RAI1: variants seen among roughly 807,000 people sequenced by gnomAD.
RAI1 encodes retinoic acid-induced protein 1.
Under a neutral mutation model 123.8 loss-of-function variants are expected in RAI1, and 9 were observed. The observed-to-expected ratio is 0.07, with a 90% CI of 0.04 to 0.13. The LOEUF (loss-of-function observed/expected upper bound fraction) is 0.13. Ranked by LOEUF, RAI1 falls within the 10% of genes least tolerant of loss-of-function variation. The probability of loss-of-function intolerance (pLI) is 1.00; values close to 1 mark genes in which losing one functional copy is unlikely to be tolerated. For missense variants in RAI1, 2,256 were observed against 2,545.8 expected (o/e 0.89, Z 2.45); for synonymous variants, 1,231 against 1,127.3 (o/e 1.09, Z -1.84).
chr17:17,711,589 G>A (rs1175673943), intron 1 of RAI1, among the ~76,000 whole-genome samples: 2 of 152,204 alleles, frequency 1.3e-5, no homozygotes, highest in Non-Finnish European at 2.9e-5. Flanking sequence ...CAAATGTGCT[G>A]GAGGCCTCAA....
At position 17,797,466 on chromosome 17, in the gene RAI1, G is replaced by A. The variant is rs749592283; in HGVS notation, c.4518G>A (p.Leu1506=). The part of the protein sequence containing the change: ...GKKPKMEELG[L]ASQPPEGRPC... Reference sequence around the variant, plus strand: ...AGCCAAAGATGGAGGAGCTGGGCCTGGCCTCCCAGCCCCCGGAGGGCAGGC... The same window carrying A: ...AGCCAAAGATGGAGGAGCTGGGCCTAGCCTCCCAGCCCCCGGAGGGCAGGC... Residue 1506 remains leucine (L), a synonymous_variant, in exon 3 of 6, where the codon CTG becomes CTA. Transcript: ENST00000353383. 5.0e-6 allele frequency: 8 copies of A among 1,613,308 alleles called. No homozygotes were observed. The African/African-American group carries it at 9.3e-5, about 19-fold the overall frequency.
At chr17:17,715,909 CTA>C (rs1915699721) in intron 1 of RAI1, among the ~76,000 whole-genome samples, 2 of 152,166 alleles carry the variant, frequency 1.3e-5, no homozygotes, top group Non-Finnish European at 2.9e-5. Flanking sequence ...CCGTGCCCTC[CTA>C]TGTCAGGAGT....
chr17:17,796,717 G>C lies in RAI1; in HGVS notation c.3769G>C (p.Asp1257His), dbSNP rs772738189. ...SSSNASGNGG[D>H]GKEERPEGSP... The stretch of plus-strand genomic sequence containing the variant: ...CAGCAACGCCAGTGGCAATGGGGGA[G>C]ATGGGAAGGAGGAGAGGCCTGAGGG... Residue 1257 changes from aspartate (D) to histidine (H), a missense_variant, in exon 3 of 6, where the codon GAT becomes CAT. Coordinates refer to ENST00000353383, the MANE Select transcript of RAI1 (RefSeq NM_030665.4). This position sits in a 1 kb window ranked among gnomAD's most constrained non-coding sequence, Gnocchi z 5.8. 6.2e-7 allele frequency: 1 copy of C among 1,613,552 alleles called. No homozygotes were observed. Among genetic ancestry groups the C allele is most frequent in the Non-Finnish European group, 8.5e-7 (1 of 1,179,900 alleles).
At position 17,727,407 on chromosome 17, in the gene RAI1, G is replaced by T. The variant is rs754919344; in HGVS notation, c.-17+3248G>T. 7.2e-5 allele frequency among the ~76,000 whole-genome samples: 11 copies of T among 152,378 alleles called. No individual in the cohort carries two copies. In the South Asian group the frequency reaches 2.3e-3, roughly 32 times the overall value. On this transcript the variant is annotated intron_variant, in intron 2 of 5. Coordinates refer to ENST00000353383, the MANE Select transcript of RAI1 (RefSeq NM_030665.4). ...CTGAAAAGATTCCTGAGGTCTTTAA[G>T]GCTGACCCTGCCCATTTCACAGATG...
In RAI1 at chr17:17,795,152, C is replaced by G. The variant is rs1358676241; in HGVS notation, c.2204C>G (p.Ala735Gly). 6.2e-7 allele frequency: 1 copy of G among 1,613,936 alleles called. No individual in the cohort carries two copies. Among genetic ancestry groups the G allele is most frequent in the African/African-American group, 1.3e-5 (1 of 74,924 alleles). Residue 735 changes from alanine (A) to glycine (G), a missense_variant, in exon 3 of 6, where the codon GCC becomes GGC. This residue lies in a region of RAI1 where 566 missense variants were observed against 616.0 expected (regional missense o/e 0.92). Transcript: ENST00000353383. The surrounding 1 kb of genome is among the most constrained non-coding windows in gnomAD (Gnocchi z 5.9). ...GACTGTTTCCCGGACACAACCGCTGCCAGCTCAGCGGACAGCGCCAACCCC... is the reference window on the plus strand; with the variant it reads ...GACTGTTTCCCGGACACAACCGCTGGCAGCTCAGCGGACAGCGCCAACCCC... ...AFDCFPDTTA[A>G]SSADSANPFA...
At chr17:17,766,722 G>T (rs1482155147) in intron 2 of RAI1, among the ~76,000 whole-genome samples, 1 of 152,228 alleles carries the variant, frequency 6.6e-6, no homozygotes, top group Non-Finnish European at 1.5e-5. Flanking sequence ...CACAGGCGGC[G>T]GCACTGTTAG....
Position 17,797,383 on chromosome 17 carries a change from G to T in RAI1, c.4435G>T (p.Asp1479Tyr). The change falls in exon 3 of 6, where the codon GAC becomes TAC. Residue 1479 changes from aspartate (D) to tyrosine (Y), a missense_variant. Asp to Tyr is a radical substitution (Grantham distance 160). Transcript: ENST00000353383. ...LGPALLLTPR[D>Y]RASGTQGASE... ...CCCGGCTCTGCTCCTGACTCCCCGA[G>T]ACAGGGCCAGTGGCACACAAGGGGC... 1.2e-6 allele frequency: 2 copies of T among 1,612,916 alleles called. No individual in the cohort carries two copies. The highest frequency in any genetic ancestry group is 1.1e-5 in the South Asian group (1 of 91,066).
intron 2 of RAI1, among the ~76,000 whole-genome samples, chr17:17,786,274 C>T (rs1165798341): frequency 1.3e-5 from 2 of 152,218 alleles, no homozygotes; most frequent in Admixed American, 1.3e-4. Context: ...CACATGTGCT[C>T]TGTGTCGCCA....
Position 17,705,541 on chromosome 17 carries a change from C to T in RAI1, c.-148-18487C>T, listed in dbSNP as rs534396835. On this transcript the variant is annotated intron_variant, in intron 1 of 5. Coordinates refer to ENST00000353383, the MANE Select transcript of RAI1 (RefSeq NM_030665.4). ...AGCCTGGGCAACAAGAACGAAACTCCGTCTCAAAAAACAAAAACAAAAACA... is the reference window on the plus strand; with the variant it reads ...AGCCTGGGCAACAAGAACGAAACTCTGTCTCAAAAAACAAAAACAAAAACA... 1.6e-4 allele frequency among the ~76,000 whole-genome samples: 23 copies of T among 141,716 alleles called. No individual in the cohort carries two copies. The South Asian group carries it at 2.2e-3, about 14-fold the overall frequency. The allele number at this position is 141,716 out of a possible 152,430, so 93.0% of individuals were successfully genotyped here. A position where few individuals can be genotyped will look rare whatever the true frequency, so the allele number is the denominator to read the frequency against.
chr17:17,711,703 G>A (rs1915572324), intron 1 of RAI1, among the ~76,000 whole-genome samples: 1 of 152,234 alleles, frequency 6.6e-6, no homozygotes, highest in Non-Finnish European at 1.5e-5. Flanking sequence ...GGGACCCTGG[G>A]AAGGTCCCAG....
At position 17,761,508 on chromosome 17, in the gene RAI1, C is replaced by T. The variant is rs143583525; in HGVS notation, c.-16-31425C>T. 2.3e-4 allele frequency among the ~76,000 whole-genome samples: 35 copies of T among 152,158 alleles called. No homozygotes were observed. The East Asian group carries it at 6.0e-3, about 26-fold the overall frequency. ...CTGACCTGTGGAGTGGCCAGTGCCCCGGGGGATGGTGGAAGGGGAAGAGGG... is the reference window on the plus strand; with the variant it reads ...CTGACCTGTGGAGTGGCCAGTGCCCTGGGGGATGGTGGAAGGGGAAGAGGG... On this transcript the variant is annotated intron_variant, in intron 2 of 5. Transcript: ENST00000353383.
intron 1 of RAI1, among the ~76,000 whole-genome samples, chr17:17,704,517 G>A (rs182392418): frequency 3.9e-4 from 59 of 152,278 alleles, no homozygotes; most frequent in African/African-American, 1.4e-3. Flanking sequence ...GGGCAGTGGG[G>A]TGTGTAAAGG....
chr17:17,792,898 T>G, intron 2 of RAI1, 35 bp from the exon 3 acceptor site: 2 of 606,864 alleles, frequency 3.3e-6, no homozygotes, highest in Non-Finnish European at 6.3e-6. Context: ...CCTCCCTCCT[T>G]CCCTCCCTCC....
At chr17:17,761,988 G>A (rs1038727648) in intron 2 of RAI1, among the ~76,000 whole-genome samples, 1 of 152,154 alleles carries the variant, frequency 6.6e-6, no homozygotes, top group Non-Finnish European at 1.5e-5. Context: ...AAGTTCCTGA[G>A]TGTGAGCGCG....
Position 17,798,387 on chromosome 17 carries a change from A to G in RAI1, c.5439A>G (p.Ala1813=). 1 of 1,610,236 alleles carries G rather than the reference A, an allele frequency of 6.2e-7. No individual in the cohort carries two copies. Among genetic ancestry groups the G allele is most frequent in the South Asian group, 1.1e-5 (1 of 90,616 alleles). The change falls in exon 3 of 6, where the codon GCA becomes GCG. Residue 1813 remains alanine, a synonymous_variant. Transcript: ENST00000353383. The part of the protein sequence containing the change: ...RKHECSKEAP[A]EPGGEAQEHW... ...ATGAGTGCAGCAAGGAGGCTCCGGC[A>G]GAGCCCGGCGGGGAGGCCCAGGAGC...
rs1171118482 is a variant in RAI1, at chr17:17,801,717, T to C, written c.5566-2039T>C. On this transcript the variant is annotated intron_variant, in intron 3 of 5. Transcript: ENST00000353383. The surrounding 1 kb of genome is among the most constrained non-coding windows in gnomAD (Gnocchi z 4.1). Reference sequence around the variant, plus strand: ...CCAGCATGGGCAGCGGGGAGGGGAGTGTTCTGACATTTCTCAGCTGCTGTG... The same window carrying C: ...CCAGCATGGGCAGCGGGGAGGGGAGCGTTCTGACATTTCTCAGCTGCTGTG... 1.3e-5 allele frequency among the ~76,000 whole-genome samples: 2 copies of C among 151,312 alleles called. No homozygotes were observed. Among genetic ancestry groups the C allele is most frequent in the East Asian group, 3.9e-4 (2 of 5,140 alleles).
intron 1 of RAI1, among the ~76,000 whole-genome samples, chr17:17,719,441 C>T (rs565312422): frequency 2.4e-4 from 36 of 152,338 alleles, no homozygotes; most frequent in Non-Finnish European, 4.7e-4. Flanking sequence ...GCTTTGCCCC[C>T]AGACAGCTGC....
intron 1 of RAI1, among the ~76,000 whole-genome samples, chr17:17,697,595 T>C (rs571116177): frequency 6.6e-6 from 1 of 152,214 alleles, no homozygotes; most frequent in Non-Finnish European, 1.5e-5. Context: ...GCTCTTGTGG[T>C]CTGGGTGTTA....
At chr17:17,723,485 C>T (rs1405556200) in intron 1 of RAI1, among the ~76,000 whole-genome samples, 5 of 151,762 alleles carry the variant, frequency 3.3e-5, no homozygotes, top group Non-Finnish European at 4.4e-5. Context: ...GCGTTCCCTC[C>T]CTCCCCTCCT....
Sources: allele counts gnomAD v4.1 joint callset (sites outside exome capture counted in the v4.1 genomes callset), GRCh38; gene constraint gnomAD v4.1.1; regional missense constraint gnomAD v4.1.1; non-coding constraint Gnocchi (gnomAD v3.1); transcripts MANE v1.5; gene names NCBI Gene and HGNC (gene_info 2026-07-23, HGNC 2026-07-21).